Variants in LAMP3 observed in about 807,000 individuals in gnomAD.
LAMP3 encodes the protein lysosome associated membrane protein 3, also known as lysosome-associated membrane glycoprotein 3.
In LAMP3, 26 loss-of-function variants were observed where a neutral mutation model predicts 34.8. That is an observed-to-expected ratio of 0.75 (90% CI 0.55 to 1.04). LAMP3 has a LOEUF of 1.04. Among genes scored for constraint, LAMP3 ranks in the 50% least tolerant of loss-of-function variants. The pLI is 0.00. For missense variants in LAMP3, 495 were observed against 524.0 expected, an observed-to-expected ratio of 0.94 and a Z score of 0.54; for synonymous variants, 180 against 201.9, an observed-to-expected ratio of 0.89 and a Z score of 0.92.
chr3:183,125,299 C>A (rs979176644), intron 5 of LAMP3, among the ~76,000 whole-genome samples: 8 of 152,122 alleles, frequency 5.3e-5, no homozygotes, highest in Non-Finnish European at 8.8e-5. Flanking sequence ...AACCAAGGAT[C>A]ACCATCAACC....
intron 5 of LAMP3, among the ~76,000 whole-genome samples, chr3:183,134,955 G>A (rs1720038385): frequency 2.6e-5 from 4 of 152,216 alleles, no homozygotes; most frequent in Admixed American, 1.3e-4. Flanking sequence ...TCCTGGAAGG[G>A]AGAAGAGGGC....
intron 3 of LAMP3, among the ~76,000 whole-genome samples, chr3:183,150,565 CTTTTT>C (rs10665288): frequency 3.5e-5 from 3 of 86,096 alleles, no homozygotes; most frequent in Non-Finnish European, 2.2e-5. Flanking sequence ...GCCAAAGTGA[CTTTTT>C]TTTTTTTTTT....
At chr3:183,154,825 A>G (rs1720778431) in intron 1 of LAMP3, among the ~76,000 whole-genome samples, 1 of 152,224 alleles carries the variant, frequency 6.6e-6, no homozygotes, top group African/African-American at 2.4e-5. Context: ...GAATGATGGT[A>G]ATAAAGATTT....
chr3:183,137,600 G>A (rs770139741), intron 4 of LAMP3, among the ~76,000 whole-genome samples: 4 of 152,122 alleles, frequency 2.6e-5, no homozygotes, highest in Non-Finnish European at 5.9e-5. Flanking sequence ...CGGGTCACGT[G>A]TTATATCCTG....
At chr3:183,127,148 T>A (rs1407291153) in intron 5 of LAMP3, among the ~76,000 whole-genome samples, 1 of 152,196 alleles carries the variant, frequency 6.6e-6, no homozygotes, top group Non-Finnish European at 1.5e-5. Flanking sequence ...CCCAATTTTT[T>A]TTTTGAGACA....
At chr3:183,163,380 G>A (rs1266489591), upstream of LAMP3, among the ~76,000 whole-genome samples, 1 of 150,732 alleles carries the variant, frequency 6.6e-6, no homozygotes, top group Non-Finnish European at 1.5e-5. Context: ...TCGGCTCACT[G>A]CCCTGGTTCA....
At chr3:183,124,238 AC>A in intron 5 of LAMP3, 24 bp from the exon 6 acceptor site, 1 of 1,528,436 alleles carries the variant, frequency 6.5e-7, no homozygotes. Flanking sequence ...CAAATACAAT[AC>A]AGTGGGTAAG....
intron 1 of LAMP3, among the ~76,000 whole-genome samples, chr3:183,158,905 T>A (rs1407134540): frequency 3.3e-5 from 5 of 151,810 alleles, no homozygotes; most frequent in Admixed American, 2.6e-4. Context: ...TTTTTGTTTT[T>A]TTTTTCTCCT....
intron 5 of LAMP3, among the ~76,000 whole-genome samples, chr3:183,133,171 T>C (rs1045776744): frequency 2.0e-5 from 3 of 152,182 alleles, no homozygotes; most frequent in Admixed American, 1.3e-4. Flanking sequence ...GCTTATTAAA[T>C]TGCAGATGCC....
intron 2 of LAMP3, 89 bp downstream of exon 2, chr3:183,153,593 A>G (rs1459433781): frequency 3.6e-6 from 3 of 842,670 alleles, no homozygotes; most frequent in Non-Finnish European, 1.8e-6. Flanking sequence ...ATTTAAAGAC[A>G]CAGGATGTGG....
At chr3:183,127,795 C>T (rs559352249) in intron 5 of LAMP3, among the ~76,000 whole-genome samples, 32 of 152,190 alleles carry the variant, frequency 2.1e-4, no homozygotes, top group African/African-American at 7.5e-4. Context: ...GTTTATGACA[C>T]TTCAATTCTA....
Position 183,133,013 on chromosome 3 carries a change from G to A in LAMP3, c.1117+2704C>T, listed in dbSNP as rs111816713. On this transcript the variant is annotated intron_variant, in intron 5 of 5. Transcript: ENST00000265598. ...AGACTGGCCACAAATGCTGGGAAGT[G>A]GCACTGCCACATCTGCCTCAGCTTT... 8.3e-6 allele frequency: 7 copies of A among 843,190 alleles called. No individual in the cohort carries two copies. The African/African-American group carries it at 9.2e-5, about 11-fold the overall frequency. The allele number at this position is 843,190 out of a possible 1,614,324, so 52.2% of individuals were successfully genotyped here. A position where few individuals can be genotyped will look rare whatever the true frequency, so the allele number is the denominator to read the frequency against.
At chr3:183,130,575 C>T (rs367756896) in intron 5 of LAMP3, among the ~76,000 whole-genome samples, 11 of 152,290 alleles carry the variant, frequency 7.2e-5, no homozygotes, top group African/African-American at 2.4e-4. Context: ...TCGAGATACT[C>T]CATTTCCTAT....
At chr3:183,133,051 A>G (rs1719975146) in intron 5 of LAMP3, 2 of 523,312 alleles carry the variant, frequency 3.8e-6, no homozygotes, top group Non-Finnish European at 4.9e-6. Flanking sequence ...AGAAAAGAAG[A>G]CAGAGGGGAA....
intron 3 of LAMP3, among the ~76,000 whole-genome samples, chr3:183,146,377 AT>A (rs1720439360): frequency 2.6e-5 from 4 of 152,198 alleles, no homozygotes; most frequent in African/African-American, 7.2e-5. Context: ...GGTTGAGTCC[AT>A]TTCTCTTTTG....
chr3:183,163,146 C>T (rs2108618204), upstream of LAMP3, among the ~76,000 whole-genome samples: 1 of 151,500 alleles, frequency 6.6e-6, no homozygotes, highest in East Asian at 2.0e-4. Flanking sequence ...TTAGTAGAGA[C>T]GGGGTGTCAC....
chr3:183,151,516 C>T (rs1720633359), intron 3 of LAMP3, among the ~76,000 whole-genome samples: 1 of 151,258 alleles, frequency 6.6e-6, no homozygotes, highest in Admixed American at 6.6e-5. Context: ...CAACCTCCAC[C>T]TCCCCGGTTC....
rs267599701 is a variant in LAMP3 at position 183,135,787 on chromosome 3, G to C, written c.1047C>G (p.Ala349=). 8 of 1,613,928 alleles carry C rather than the reference G, an allele frequency of 5.0e-6. No homozygotes were observed. The highest frequency in any genetic ancestry group is 5.1e-6 in the Non-Finnish European group (6 of 1,179,906). ...CATCGGTTGTTTTCACCTGCAGGTG[G>C]GCTGACAACTGGAGGCTCTGTTCAC... ...CVSEQSLQLS[A]HLQVKTTDVQ... Residue 349 remains alanine (A), a synonymous_variant, in exon 5 of 6, where the codon GCC becomes GCG. Transcript: ENST00000265598.
At chr3:183,130,226 T>C (rs1031688490) in intron 5 of LAMP3, among the ~76,000 whole-genome samples, 1 of 150,624 alleles carries the variant, frequency 6.6e-6, no homozygotes, top group Non-Finnish European at 1.5e-5. Context: ...TGGTGCCATC[T>C]TGGCTCACTG....
Sources: gnomAD v4.1 joint callset for allele counts (sites outside exome capture counted in the v4.1 genomes callset) on GRCh38, gnomAD v4.1.1 for gene constraint, MANE v1.5 for transcripts, NCBI Gene and HGNC (gene_info 2026-07-23, HGNC 2026-07-21) for gene names.